The following SGK3 variants were observed in gnomAD, a reference collection of about 807,000 sequenced individuals.
The protein encoded by SGK3 is serine/threonine-protein kinase Sgk3.
A neutral mutation model predicts 68.5 loss-of-function variants in SGK3; 47 were observed. The observed-to-expected ratio is 0.69, with a 90% CI of 0.54 to 0.87. The LOEUF (loss-of-function observed/expected upper bound fraction) is 0.87, where lower values mean the gene tolerates loss of function less well. SGK3 is among the 40% of genes least tolerant of loss of function. The probability of loss-of-function intolerance (pLI) is 0.00; values close to 1 mark genes in which losing one functional copy is unlikely to be tolerated. For missense variants in SGK3, 479 were observed against 575.5 expected, an observed-to-expected ratio of 0.83 and a Z score of 1.72; for synonymous variants, 181 against 189.1, an observed-to-expected ratio of 0.96 and a Z score of 0.35.
chr8:66,770,182 G>A (rs548943131), intron 1 of SGK3, among the ~76,000 whole-genome samples: 23 of 151,616 alleles, frequency 1.5e-4, no homozygotes, highest in African/African-American at 4.8e-4. Context: ...TCTTGATCTC[G>A]TGACCTCGTG....
intron 3 of SGK3, among the ~76,000 whole-genome samples, chr8:66,803,115 T>G (rs1808015060): frequency 6.6e-6 from 1 of 152,232 alleles, no homozygotes; most frequent in Non-Finnish European, 1.5e-5. Flanking sequence ...CTGTTAAGTG[T>G]CATTTAATCA....
chr8:66,760,881 G>C (rs1806146141), intron 1 of SGK3, among the ~76,000 whole-genome samples: 1 of 152,112 alleles, frequency 6.6e-6, no homozygotes, highest in South Asian at 2.1e-4. Context: ...GCCGGGCGTA[G>C]TGGTGCATGC....
intron 12 of SGK3, 130 bp downstream of exon 12, chr8:66,840,377 C>T (rs1246216921): frequency 1.8e-5 from 17 of 938,154 alleles, no homozygotes; most frequent in South Asian, 9.2e-5. Flanking sequence ...AATGACAAAA[C>T]GGTAGGGATG....
chr8:66,740,221 A>G (rs1265809584), intron 1 of SGK3, among the ~76,000 whole-genome samples: 1 of 152,218 alleles, frequency 6.6e-6, no homozygotes, highest in Admixed American at 6.5e-5. Flanking sequence ...TCATCTCTAG[A>G]GGTGGGAGTC....
chr8:66,752,494 C>T (rs1161883358), intron 1 of SGK3, among the ~76,000 whole-genome samples: 1 of 151,612 alleles, frequency 6.6e-6, no homozygotes, highest in Non-Finnish European at 1.5e-5. Context: ...ATGGGAATAC[C>T]CCCTATGTAG....
intron 1 of SGK3, among the ~76,000 whole-genome samples, chr8:66,772,248 C>T (rs1806533263): frequency 6.9e-6 from 1 of 145,348 alleles, no homozygotes; most frequent in Non-Finnish European, 1.5e-5. Context: ...TAGCCAGGGA[C>T]CATGTCTGGT....
In SGK3 at chr8:66,793,649, G is replaced by C; in HGVS notation, c.-88G>C. 1 of 1,233,986 alleles carries C rather than the reference G, an allele frequency of 8.1e-7. No individual in the cohort carries two copies. Among genetic ancestry groups the C allele is most frequent in the Non-Finnish European group, 1.1e-6 (1 of 895,742 alleles). 76.4% of individuals were successfully genotyped at this position (1,233,986 alleles called of 1,614,324 possible). On this transcript the variant is annotated 5_prime_UTR_variant, in exon 2 of 17. Transcript: ENST00000521198. ...ATGGAATTTGAACATTACTTCAAGA[G>C]GTTTTGTATTTTGGATTAGTTAATT...
intron 1 of SGK3, among the ~76,000 whole-genome samples, chr8:66,753,025 A>G (rs1165136890): frequency 6.6e-6 from 1 of 152,168 alleles, no homozygotes; most frequent in African/African-American, 2.4e-5. Flanking sequence ...CAGAAGTTAC[A>G]GATTTCTGAG....
chr8:66,842,372 C>T (rs1369185376), intron 13 of SGK3, among the ~76,000 whole-genome samples: 3 of 152,062 alleles, frequency 2.0e-5, no homozygotes, highest in African/African-American at 7.2e-5. Flanking sequence ...AGGCGCCCGC[C>T]ACCACGCCTG....
chr8:66,835,086 A>G (rs1387122662), intron 8 of SGK3, among the ~76,000 whole-genome samples: 1 of 152,162 alleles, frequency 6.6e-6, no homozygotes, highest in African/African-American at 2.4e-5. Flanking sequence ...CCTGGATAAC[A>G]TGACAAAACC....
chr8:66,798,649 C>A, intron 3 of SGK3, 24 bp downstream of exon 3: 1 of 1,561,150 alleles, frequency 6.4e-7, no homozygotes, highest in East Asian at 2.3e-5. Context: ...TACAAGATTT[C>A]TAATTAAAAG....
intron 1 of SGK3, among the ~76,000 whole-genome samples, chr8:66,781,347 T>C (rs1171606119): frequency 6.6e-6 from 1 of 152,124 alleles, no homozygotes; most frequent in Non-Finnish European, 1.5e-5. Flanking sequence ...TAGTAGTATT[T>C]TGTTTTTTTG....
chr8:66,720,619 A>C lies in SGK3; in HGVS notation c.-122+7786A>C, dbSNP rs1586667743. Among the ~76,000 whole-genome samples the C allele has an allele frequency of 2.0e-5, 3 of 151,836 alleles. No individual in the cohort carries two copies. The East Asian group carries it at 5.8e-4, about 29-fold the overall frequency. On this transcript the variant is annotated intron_variant, in intron 1 of 16. Coordinates refer to ENST00000521198, the MANE Select transcript of SGK3 (RefSeq NM_001033578.3). ...ACCCTTTCTCTACTAAAAATATAAA[A>C]ATTAGCTGGACATAGTGGTGGGTGC... is the stretch of plus-strand genomic sequence containing the variant.
At position 66,723,087 on chromosome 8, in the gene SGK3, GT is replaced by G. The variant is rs1563594976; in HGVS notation, c.-122+10256del. 2.5e-3 allele frequency among the ~76,000 whole-genome samples: 75 copies of G among 29,450 alleles called. 1 individual carries two copies. Among genetic ancestry groups the G allele is most frequent in the African/African-American group, 0.011 (75 of 7,032 alleles). 19.3% of individuals were successfully genotyped at this position (29,450 alleles called of 152,430 possible). A position where few individuals can be genotyped will look rare whatever the true frequency, so the allele number is the denominator to read the frequency against. On this transcript the variant is annotated intron_variant, in intron 1 of 16. Transcript: ENST00000521198. ...AATAAACATTCAGAAGTAAGATTTT[GT>G]TCATATATATATATATATATATATA...
At chr8:66,762,244 C>T (rs2130464378) in intron 1 of SGK3, among the ~76,000 whole-genome samples, 1 of 152,160 alleles carries the variant, frequency 6.6e-6, no homozygotes, top group East Asian at 1.9e-4. Context: ...GTTGAGATTA[C>T]AGACGTGAGC....
At chr8:66,832,407 G>A (rs1265303647) in intron 8 of SGK3, among the ~76,000 whole-genome samples, 1 of 151,722 alleles carries the variant, frequency 6.6e-6, no homozygotes, top group Non-Finnish European at 1.5e-5. Flanking sequence ...TTGTTTTCTG[G>A]GTTTCCTTGA....
In SGK3 at chr8:66,817,947, A is replaced by G. The variant is rs532271387; in HGVS notation, c.329+4019A>G. Among the ~76,000 whole-genome samples, 20 of 152,156 alleles carry G rather than the reference A, an allele frequency of 1.3e-4. 1 individual carries two copies. The East Asian group carries it at 3.9e-3, about 29-fold the overall frequency. ...GCATGGCAAAACCCCCTCTCCAGAA[A>G]AAAAAGGCAAAAAATCAGCCTGTCA... is the stretch of plus-strand genomic sequence containing the variant. On this transcript the variant is annotated intron_variant, in intron 5 of 16. Coordinates refer to ENST00000521198, the MANE Select transcript of SGK3 (RefSeq NM_001033578.3).
rs150524200 is a variant in SGK3, at chr8:66,833,723, C to G, written c.526-2040C>G. ...GAATTTTTTTTGAGATGGAGTTTCA[C>G]TTTTGTTGCCCAGGCTGGAGTGCGG... On this transcript the variant is annotated intron_variant, in intron 8 of 16. Coordinates refer to ENST00000521198, the MANE Select transcript of SGK3 (RefSeq NM_001033578.3). Among the ~76,000 whole-genome samples the G allele has an allele frequency of 6.9e-4, 105 of 152,232 alleles. 1 individual carries two copies. Among genetic ancestry groups the G allele is most frequent in the African/African-American group, 2.4e-3 (99 of 41,556 alleles).
At chr8:66,779,924 A>C (rs1421455241) in intron 1 of SGK3, among the ~76,000 whole-genome samples, 2 of 152,142 alleles carry the variant, frequency 1.3e-5, no homozygotes, top group East Asian at 3.9e-4. Context: ...ACTTGAGAGT[A>C]AAGTTTCCTT....
Sources: allele counts gnomAD v4.1 joint callset (sites outside exome capture counted in the v4.1 genomes callset), GRCh38; gene constraint gnomAD v4.1.1; transcripts MANE v1.5; gene names NCBI Gene and HGNC (gene_info 2026-07-23, HGNC 2026-07-21).